Variants in ZNF487 observed in about 807,000 individuals in gnomAD.
ZNF487 encodes the protein KRAB domain only 1.
A neutral mutation model predicts 3.0 loss-of-function variants in ZNF487; 4 were observed. The ratio of observed to expected loss-of-function variants is 1.35; its 90% CI spans 0.66 to 3.08. The LOEUF is 3.08. Ranked by LOEUF, ZNF487 falls within the 30% of genes most tolerant of loss-of-function variation. ZNF487 has a pLI of 0.01. For missense variants in ZNF487, 146 were observed against 98.7 expected (o/e 1.48, Z -2.03); for synonymous variants, 55 against 34.6 (o/e 1.59, Z -2.06).
rs138889871 is a variant in ZNF487, at chr10:43,452,957, C to T, written c.-94+15695C>T. ...TTTTTTGGTGGTTGGATATTTTATA[C>T]CTTTTTTTCCCCAAATACTCTCCAC... On this transcript the variant is annotated intron_variant, in intron 1 of 3. Transcript: ENST00000437590. 2.6e-5 allele frequency: 4 copies of T among 151,904 alleles called. No individual in the cohort carries two copies. In the East Asian group the frequency reaches 7.7e-4, roughly 29 times the overall value. The allele number at this position is 151,904 out of a possible 1,614,324, so 9.4% of individuals were successfully genotyped here.
chr10:43,512,338 C>A, the ZNF487 span, among the ~76,000 whole-genome samples: 1 of 152,142 alleles, frequency 6.6e-6, no homozygotes, highest in African/African-American at 2.4e-5. Context: ...GCCTTCAGGA[C>A]CTGCTCGAGC....
At chr10:43,490,156 C>A in the ZNF487 span, among the ~76,000 whole-genome samples, 1 of 152,168 alleles carries the variant, frequency 6.6e-6, no homozygotes, top group Non-Finnish European at 1.5e-5. Flanking sequence ...TTGAGATGAT[C>A]CTGGGCAACA....
At chr10:43,520,354 T>C in the ZNF487 span, among the ~76,000 whole-genome samples, 13 of 152,182 alleles carry the variant, frequency 8.5e-5, no homozygotes, top group Non-Finnish European at 1.9e-4. Context: ...AAGGAACTCT[T>C]TTTAAGTAGA....
At chr10:43,483,237 T>C, downstream of ZNF487, 1 of 380,906 alleles carries the variant, frequency 2.6e-6, no homozygotes, top group Non-Finnish European at 5.1e-6. Flanking sequence ...TTTTCTTTTC[T>C]TTTCTTGTTG....
At chr10:43,450,980 T>C (rs1296825531) in intron 1 of ZNF487, among the ~76,000 whole-genome samples, 1 of 152,036 alleles carries the variant, frequency 6.6e-6, no homozygotes, top group East Asian at 1.9e-4. Flanking sequence ...GGAGTTTCGC[T>C]CTTGTTGCCC....
the ZNF487 span, among the ~76,000 whole-genome samples, chr10:43,520,071 T>C: frequency 6.6e-6 from 1 of 152,142 alleles, no homozygotes; most frequent in East Asian, 1.9e-4. Context: ...GCTATTTTTT[T>C]GTGTGAAATA....
chr10:43,440,888 TGAGA>T (rs1309749970), intron 1 of ZNF487, among the ~76,000 whole-genome samples: 1 of 151,958 alleles, frequency 6.6e-6, no homozygotes, highest in Admixed American at 6.6e-5. Flanking sequence ...TGTTTGTTTT[TGAGA>T]GAGTCACTGT....
intron 1 of ZNF487, among the ~76,000 whole-genome samples, chr10:43,469,260 G>A (rs1401038794): frequency 6.6e-6 from 1 of 151,814 alleles, no homozygotes; most frequent in African/African-American, 2.4e-5. Context: ...GCAGTGGTGC[G>A]ACCTTGGCTC....
At chr10:43,451,611 G>T (rs1346858410) in intron 1 of ZNF487, among the ~76,000 whole-genome samples, 5 of 147,164 alleles carry the variant, frequency 3.4e-5, no homozygotes, top group East Asian at 4.1e-4. Context: ...TGTTGCCCAG[G>T]CTGGAGTGCA....
At chr10:43,437,298 G>A (rs978096493) in intron 1 of ZNF487, 36 bp downstream of exon 1, 2 of 200,426 alleles carry the variant, frequency 1.0e-5, no homozygotes, top group Non-Finnish European at 2.1e-5. Flanking sequence ...CCGGGTCTGA[G>A]GTCGAGGGCC....
chr10:43,512,897 G>T, the ZNF487 span, among the ~76,000 whole-genome samples: 1 of 152,132 alleles, frequency 6.6e-6, no homozygotes, highest in Admixed American at 6.5e-5. Flanking sequence ...ATGGTCAAAT[G>T]CAGCAACTTA....
intron 3 of ZNF487, among the ~76,000 whole-genome samples, chr10:43,479,188 T>C (rs569461812): frequency 6.6e-6 from 1 of 150,818 alleles, no homozygotes; most frequent in South Asian, 2.1e-4. Context: ...GGTCTTGAAC[T>C]CCTGACCTTA....
At chr10:43,484,079 G>A (rs1272652505), downstream of ZNF487, among the ~76,000 whole-genome samples, 2 of 151,932 alleles carry the variant, frequency 1.3e-5, no homozygotes, top group African/African-American at 4.8e-5. Context: ...ATGTTGGCGA[G>A]GCTGGTCTTG....
chr10:43,440,387 TGGCTCACA>T (rs1839553475), intron 1 of ZNF487, among the ~76,000 whole-genome samples: 1 of 151,638 alleles, frequency 6.6e-6, no homozygotes, highest in Admixed American at 6.6e-5. Flanking sequence ...ACGGGCACAG[TGGCTCACA>T]CCTATAATCC....
chr10:43,464,626 C>A (rs185758456), intron 1 of ZNF487, among the ~76,000 whole-genome samples: 1 of 152,108 alleles, frequency 6.6e-6, no homozygotes, highest in African/African-American at 2.4e-5. Context: ...CATCTTGCAC[C>A]GCCCTTAATC....
At chr10:43,439,218 G>A (rs570176507) in intron 1 of ZNF487, among the ~76,000 whole-genome samples, 5 of 151,972 alleles carry the variant, frequency 3.3e-5, no homozygotes, top group Non-Finnish European at 7.4e-5. Context: ...CTCCAGCCTG[G>A]GTGACAGAAC....
intron 2 of ZNF487, 25 bp from the exon 3 acceptor site, chr10:43,476,082 C>T (rs774756998): frequency 7.1e-5 from 51 of 716,134 alleles, no homozygotes; most frequent in East Asian, 3.5e-4. Flanking sequence ...ATCTGGCCCA[C>T]GTCCTGTGTC....
chr10:43,482,099 G>A lies in ZNF487; in HGVS notation c.*177G>A. 1.7e-6 allele frequency: 1 copy of A among 573,178 alleles called. No homozygotes were observed. The highest frequency in any genetic ancestry group is 3.1e-6 in the Non-Finnish European group (1 of 326,030). The allele number at this position is 573,178 out of a possible 1,614,324, so 35.5% of individuals were successfully genotyped here. ...ATGAAATACTATGAGTGTAATGCGA[G>A]TGAGAATAGTTTTGGCAAGAAATCA... On this transcript the variant is annotated 3_prime_UTR_variant, in exon 4 of 4. Transcript: ENST00000437590.
intron 3 of ZNF487, among the ~76,000 whole-genome samples, chr10:43,476,774 T>C (rs925194376): frequency 2.6e-5 from 4 of 152,154 alleles, no homozygotes; most frequent in Non-Finnish European, 5.9e-5. Context: ...AGGACAGCAG[T>C]GAGCCAGGCT....
Sources: gnomAD v4.1 joint callset for allele counts (sites outside exome capture counted in the v4.1 genomes callset) on GRCh38, gnomAD v4.1.1 for gene constraint, MANE v1.5 for transcripts, NCBI Gene and HGNC (gene_info 2026-07-23, HGNC 2026-07-21) for gene names.